Variants in ALDH7A1 observed in about 807,000 individuals in gnomAD.
ALDH7A1 encodes the protein alpha-aminoadipic semialdehyde dehydrogenase.
ALDH7A1 carries 63 observed loss-of-function variants against 79.9 expected under a neutral mutation model. The ratio of observed to expected loss-of-function variants is 0.79; its 90% CI spans 0.64 to 0.97. The LOEUF (loss-of-function observed/expected upper bound fraction) is 0.97, where lower values mean the gene tolerates loss of function less well. Among genes scored for constraint, ALDH7A1 ranks in the 50% least tolerant of loss-of-function variants. The probability of loss-of-function intolerance (pLI) is 0.00; values close to 1 mark genes in which losing one functional copy is unlikely to be tolerated. For synonymous variants in ALDH7A1, 240 were observed against 231.2 expected, an observed-to-expected ratio of 1.04 and a Z score of -0.34; for missense variants, 627 against 665.2, an observed-to-expected ratio of 0.94 and a Z score of 0.63.
chr5:126,551,713 G>A lies in ALDH7A1; in HGVS notation c.1317+308C>T, dbSNP rs975187452. Among the ~76,000 whole-genome samples, 28 of 152,056 alleles carry A rather than the reference G, an allele frequency of 1.8e-4. No individual in the cohort carries two copies. In the East Asian group the frequency reaches 1.9e-3, roughly 10 times the overall value. On this transcript the variant is annotated intron_variant, in intron 14 of 17. Transcript: ENST00000409134. Reference sequence around the variant, plus strand: ...AGGCTATCAAACTATCCAGTACCACGGTTCAGGAGAAGGTGACTCTATGGC... The same window carrying A: ...AGGCTATCAAACTATCCAGTACCACAGTTCAGGAGAAGGTGACTCTATGGC...
chr5:126,577,300 A>G, intron 5 of ALDH7A1, 89 bp from the exon 6 acceptor site: 1 of 1,527,978 alleles, frequency 6.5e-7, no homozygotes, highest in Non-Finnish European at 8.9e-7. Flanking sequence ...CAGACTGGAG[A>G]AGATTCCAGA....
intron 12 of ALDH7A1, 143 bp downstream of exon 12, chr5:126,555,788 G>A (rs950895989): frequency 2.5e-5 from 17 of 682,338 alleles, no homozygotes; most frequent in African/African-American, 1.1e-4. Flanking sequence ...GAGCAGACAC[G>A]ATACACCAAA....
At chr5:126,583,868 A>T (rs1424096507) in intron 4 of ALDH7A1, 64 bp downstream of exon 4, 3 of 1,353,550 alleles carry the variant, frequency 2.2e-6, no homozygotes, top group Middle Eastern at 1.8e-4. Context: ...TTTTATATAT[A>T]GAAAAGCATG....
At position 126,555,808 on chromosome 5, in the gene ALDH7A1, C is replaced by T. The variant is rs62391521; in HGVS notation, c.1093+123G>A. 131,110 of 774,616 alleles carry T rather than the reference C, an allele frequency of 0.17. 12,447 individuals are homozygous for T. The highest frequency in any genetic ancestry group is 0.21 in the Middle Eastern group (915 of 4,314). The allele number at this position is 774,616 out of a possible 1,614,324, so 48.0% of individuals were successfully genotyped here. ...GACACGATACACCAAAGCCTAATAA[C>T]CTGCTTCATGTGCCTTCACGCCTCT... On this transcript the variant is annotated intron_variant, in intron 12 of 17. Transcript: ENST00000409134.
chr5:126,570,407 G>C (rs773108878), intron 8 of ALDH7A1: 1 of 204,922 alleles, frequency 4.9e-6, no homozygotes, highest in Non-Finnish European at 1.0e-5. Context: ...GAGAAACTCA[G>C]ACAATAGGCT....
chr5:126,550,788 A>G (rs1749970217), intron 14 of ALDH7A1, among the ~76,000 whole-genome samples: 1 of 152,254 alleles, frequency 6.6e-6, no homozygotes, highest in African/African-American at 2.4e-5. Context: ...AAACAATGAT[A>G]GGCAATTTAA....
At chr5:126,565,864 G>A (rs1750565217) in intron 9 of ALDH7A1, among the ~76,000 whole-genome samples, 1 of 152,236 alleles carries the variant, frequency 6.6e-6, no homozygotes, top group Non-Finnish European at 1.5e-5. Flanking sequence ...CCATTGAAAT[G>A]TCTTGTCACC....
chr5:126,573,694 C>T, intron 7 of ALDH7A1, among the ~76,000 whole-genome samples: 1 of 145,556 alleles, frequency 6.9e-6, no homozygotes, highest in African/African-American at 2.6e-5. Context: ...AAGACTCAGT[C>T]TCAAAAAAAA....
At chr5:126,567,083 C>T (rs1442137332) in intron 9 of ALDH7A1, among the ~76,000 whole-genome samples, 2 of 152,226 alleles carry the variant, frequency 1.3e-5, no homozygotes, top group Non-Finnish European at 2.9e-5. Context: ...GTTCCTCTTC[C>T]TTATTTAAGT....
chr5:126,569,059 A>G (rs1051404496), intron 8 of ALDH7A1: 3 of 152,584 alleles, frequency 2.0e-5, no homozygotes, highest in Non-Finnish European at 4.4e-5. Flanking sequence ...CAGGCTGCAC[A>G]GCAGGAGGTA....
rs1049927397 is a variant in ALDH7A1, at chr5:126,593,343, A to T, written c.246+8T>A. ...CACACACACACACACACACACACAC[A>T]CTCTTACCTGTCGGACTCTTGCTAT... On this transcript the variant is annotated splice_region_variant and intron_variant, in intron 2 of 17. Transcript: ENST00000409134. The T allele has an allele frequency of 2.9e-5, 47 of 1,608,034 alleles. No individual in the cohort carries two copies. Among genetic ancestry groups the T allele is most frequent in the South Asian group, 2.0e-4 (18 of 90,774 alleles).
chr5:126,567,893 C>T (rs896397112), intron 9 of ALDH7A1: 7 of 301,964 alleles, frequency 2.3e-5, no homozygotes, highest in Non-Finnish European at 4.5e-5. Flanking sequence ...AGACCATTCT[C>T]TTGCCTCAGC....
chr5:126,560,339 C>T (rs1750362550), intron 10 of ALDH7A1, among the ~76,000 whole-genome samples: 1 of 152,120 alleles, frequency 6.6e-6, no homozygotes, highest in South Asian at 2.1e-4. Flanking sequence ...GGCATGGTGG[C>T]ATGCGCCTGT....
chr5:126,570,730 T>G (rs367764536), intron 8 of ALDH7A1, 52 bp downstream of exon 8: 22 of 1,529,640 alleles, frequency 1.4e-5, no homozygotes, highest in Non-Finnish European at 1.9e-5. Flanking sequence ...ATGATTCTAG[T>G]TGGTCAACCT....
chr5:126,556,454 G>A (rs573746381), intron 11 of ALDH7A1, among the ~76,000 whole-genome samples: 1 of 152,088 alleles, frequency 6.6e-6, no homozygotes, highest in African/African-American at 2.4e-5. Context: ...ATGTTGCCTA[G>A]GCTGGTCTTG....
At chr5:126,560,150 A>G (rs1750353971) in intron 10 of ALDH7A1, among the ~76,000 whole-genome samples, 3 of 152,044 alleles carry the variant, frequency 2.0e-5, no homozygotes, top group South Asian at 2.1e-4. Flanking sequence ...AATGCGAACT[A>G]TATTTTTTAC....
intron 11 of ALDH7A1, among the ~76,000 whole-genome samples, chr5:126,557,103 G>A (rs1182254285): frequency 1.3e-5 from 2 of 152,056 alleles, no homozygotes; most frequent in Non-Finnish European, 2.9e-5. Flanking sequence ...GTAATGAAGG[G>A]TATAATCATT....
chr5:126,542,146 GAAAAAAAAAAA>G lies in ALDH7A1; in HGVS notation c.*2808_*2818del, dbSNP rs11395324. 1 of 94,556 alleles carries G rather than the reference GAAAAAAAAAAA, an allele frequency of 1.1e-5. No individual in the cohort carries two copies. Among genetic ancestry groups the G allele is most frequent in the African/African-American group, 3.6e-5 (1 of 27,438 alleles). 5.9% of individuals were successfully genotyped at this position (94,556 alleles called of 1,614,324 possible). ...TTCTGCAGGATAAGCTCCAGGTGTA[GAAAAAAAAAAA>G]AAAAAAAAAGTTTGTTGGAGACCAT... On this transcript the variant is annotated 3_prime_UTR_variant, in exon 18 of 18. Coordinates refer to ENST00000409134, the MANE Select transcript of ALDH7A1 (RefSeq NM_001182.5).
rs549472131 is a variant in ALDH7A1 at position 126,544,765 on chromosome 5, T to C, written c.*200A>G. The C allele has an allele frequency of 2.3e-5, 13 of 577,146 alleles. No homozygotes were observed. The South Asian group carries it at 2.3e-4, about 10-fold the overall frequency. The allele number at this position is 577,146 out of a possible 1,614,324, so 35.8% of individuals were successfully genotyped here. A position where few individuals can be genotyped will look rare whatever the true frequency, so the allele number is the denominator to read the frequency against. ...CACCTAACTCATCTTTTAGTAACTA[T>C]GGCTATGTTGTAACAATTTTATTTT... On this transcript the variant is annotated 3_prime_UTR_variant, in exon 18 of 18. Coordinates refer to ENST00000409134, the MANE Select transcript of ALDH7A1 (RefSeq NM_001182.5).
Sources: gnomAD v4.1 joint callset for allele counts (sites outside exome capture counted in the v4.1 genomes callset) on GRCh38, gnomAD v4.1.1 for gene constraint, MANE v1.5 for transcripts, NCBI Gene and HGNC (gene_info 2026-07-23, HGNC 2026-07-21) for gene names.